Variants in NRG3 observed in about 807,000 individuals in gnomAD.
The protein encoded by NRG3 is neuregulin 3, also known as pro-neuregulin-3, membrane-bound isoform.
Under a neutral mutation model 66.9 loss-of-function variants are expected in NRG3, and 31 were observed. The ratio of observed to expected loss-of-function variants is 0.46; its 90% confidence interval spans 0.35 to 0.63. The LOEUF (loss-of-function observed/expected upper bound fraction) is 0.63. Ranked by LOEUF, NRG3 falls within the 20% of genes least tolerant of loss-of-function variation. The pLI, the probability that NRG3 is intolerant of heterozygous loss-of-function variation, is 0.00. For synonymous variants in NRG3, 393 were observed against 359.4 expected (o/e 1.09, Z -1.06); for missense variants, 910 against 878.9 (o/e 1.04, Z -0.45).
chr10:82,838,308 A>G (rs1169178407), intron 3 of NRG3, among the ~76,000 whole-genome samples: 4 of 152,168 alleles, frequency 2.6e-5, no homozygotes, highest in Non-Finnish European at 5.9e-5. Context: ...ATCAATATAT[A>G]CAGAAATGTC....
chr10:82,501,558 A>C (rs1844192320), intron 2 of NRG3, among the ~76,000 whole-genome samples: 1 of 151,800 alleles, frequency 6.6e-6, no homozygotes, highest in African/African-American at 2.4e-5. Context: ...TTCCATTCCC[A>C]AGTGTTATCT....
intron 1 of NRG3, among the ~76,000 whole-genome samples, chr10:81,995,172 A>G (rs993540633): frequency 1.3e-5 from 2 of 152,186 alleles, no homozygotes; most frequent in African/African-American, 4.8e-5. Flanking sequence ...TTTTCCATCC[A>G]ATGCAAGCAT....
intron 2 of NRG3, among the ~76,000 whole-genome samples, chr10:82,470,808 A>G (rs1380728541): frequency 1.3e-5 from 2 of 152,154 alleles, no homozygotes; most frequent in Non-Finnish European, 2.9e-5. Context: ...TCCATTTCCC[A>G]GAAACAGTCC....
At chr10:82,428,126 T>G (rs543241396) in intron 2 of NRG3, among the ~76,000 whole-genome samples, 1 of 152,018 alleles carries the variant, frequency 6.6e-6, no homozygotes, top group South Asian at 2.1e-4. Context: ...TTCAATTTGG[T>G]CGATCTTTTT....
chr10:82,974,019 C>A (rs181909020), intron 7 of NRG3, 104 bp downstream of exon 7: 9 of 1,286,648 alleles, frequency 7.0e-6, no homozygotes, highest in Admixed American at 1.9e-5. Flanking sequence ...GACAACTGTT[C>A]TTGCTTCTCC....
intron 3 of NRG3, among the ~76,000 whole-genome samples, chr10:82,749,930 C>T (rs1010068565): frequency 6.6e-6 from 1 of 152,168 alleles, no homozygotes; most frequent in African/African-American, 2.4e-5. Context: ...CCATCCATAG[C>T]TTTCTGTGCT....
intron 2 of NRG3, among the ~76,000 whole-genome samples, chr10:82,660,471 T>C (rs1009243103): frequency 6.6e-6 from 1 of 152,114 alleles, no homozygotes; most frequent in Non-Finnish European, 1.5e-5. Flanking sequence ...AATGCTGTTT[T>C]CTTAGGAAAG....
chr10:82,521,819 A>G (rs1233234716), intron 2 of NRG3, among the ~76,000 whole-genome samples: 1 of 152,168 alleles, frequency 6.6e-6, no homozygotes, highest in Non-Finnish European at 1.5e-5. Context: ...AACTAAGTTT[A>G]TGGAATATCC....
chr10:82,810,757 A>AT (rs1237129259), intron 3 of NRG3, among the ~76,000 whole-genome samples: 1 of 149,856 alleles, frequency 6.7e-6, no homozygotes, highest in Non-Finnish European at 1.5e-5. Context: ...AAAAAAAAAA[A>AT]GAAGAAGCGA....
intron 2 of NRG3, among the ~76,000 whole-genome samples, chr10:82,715,078 A>G (rs554063821): frequency 7.6e-4 from 116 of 152,270 alleles, no homozygotes; most frequent in Admixed American, 1.7e-3. Flanking sequence ...TTTTTAGTCA[A>G]TCTCAAGAAA....
At chr10:82,956,158 A>C (rs1850029525) in intron 5 of NRG3, among the ~76,000 whole-genome samples, 1 of 151,988 alleles carries the variant, frequency 6.6e-6, no homozygotes, top group Non-Finnish European at 1.5e-5. Context: ...ATGCCTAACA[A>C]TGGATTAATG....
chr10:82,676,911 G>A (rs192661222), intron 2 of NRG3, among the ~76,000 whole-genome samples: 3 of 151,976 alleles, frequency 2.0e-5, no homozygotes, highest in Admixed American at 6.6e-5. Context: ...GTCACTTTGA[G>A]GCAGAGAAAA....
chr10:81,895,127 C>T (rs1051172195), intron 1 of NRG3, among the ~76,000 whole-genome samples: 20 of 152,194 alleles, frequency 1.3e-4, no homozygotes, highest in African/African-American at 4.3e-4. Context: ...ACGGGTTGGT[C>T]GGGCTACACA....
At chr10:82,615,225 G>A (rs773413525) in intron 2 of NRG3, among the ~76,000 whole-genome samples, 3 of 152,016 alleles carry the variant, frequency 2.0e-5, no homozygotes, top group Non-Finnish European at 2.9e-5. Context: ...CATAGTTTGC[G>A]AGTTTAGAAA....
chr10:82,507,264 A>C lies in NRG3; in HGVS notation c.953+148396A>C, dbSNP rs139639362. On this transcript the variant is annotated intron_variant, in intron 2 of 8. Coordinates refer to ENST00000372141, the MANE Select transcript of NRG3 (RefSeq NM_001010848.4). Reference sequence around the variant, plus strand: ...TCTCCCATGATGGGTTCGCAGTGTAAAGCTCCATGCCTGAGGGAGTTGGTA... The same window carrying C: ...TCTCCCATGATGGGTTCGCAGTGTACAGCTCCATGCCTGAGGGAGTTGGTA... Among the ~76,000 whole-genome samples the C allele has an allele frequency of 4.6e-5, 7 of 152,296 alleles. No individual in the cohort carries two copies. The East Asian group carries it at 1.3e-3, about 29-fold the overall frequency.
intron 1 of NRG3, among the ~76,000 whole-genome samples, chr10:82,280,594 A>G (rs1013700938): frequency 2.0e-5 from 3 of 152,122 alleles, no homozygotes; most frequent in Non-Finnish European, 4.4e-5. Flanking sequence ...CATAGCCCCT[A>G]TGTTTTTGAT....
chr10:81,877,739 A>G, intron 1 of NRG3: 2 of 1,366,318 alleles, frequency 1.5e-6, no homozygotes, highest in East Asian at 5.8e-5. Context: ...CAGTAGAGCC[A>G]GTAACTTGCT....
At chr10:82,049,281 C>T (rs1198061023) in intron 1 of NRG3, among the ~76,000 whole-genome samples, 1 of 152,072 alleles carries the variant, frequency 6.6e-6, no homozygotes, top group Non-Finnish European at 1.5e-5. Flanking sequence ...CTGTTGTCTG[C>T]ATTCAACATC....
intron 2 of NRG3, among the ~76,000 whole-genome samples, chr10:82,726,521 T>A (rs1423351226): frequency 1.3e-5 from 2 of 152,180 alleles, no homozygotes; most frequent in Non-Finnish European, 2.9e-5. Flanking sequence ...TCTTTTTGCC[T>A]GCTGCCATTC....
Sources: gnomAD v4.1 joint callset for allele counts (sites outside exome capture counted in the v4.1 genomes callset) on GRCh38, gnomAD v4.1.1 for gene constraint, MANE v1.5 for transcripts, NCBI Gene and HGNC (gene_info 2026-07-23, HGNC 2026-07-21) for gene names.